Variants in COMMD10 observed in about 807,000 individuals in gnomAD.
COMMD10 encodes the protein COMM domain containing 10, also known as COMM domain-containing protein 10.
COMMD10 carries 33 observed loss-of-function variants against 28.9 expected under a neutral mutation model. That is an observed-to-expected ratio of 1.14 (90% CI 0.87 to 1.53). The LOEUF (loss-of-function observed/expected upper bound fraction) is 1.53. COMMD10 is among the 40% of genes most tolerant of loss of function. The probability of loss-of-function intolerance (pLI) is 0.00; values close to 1 mark genes in which losing one functional copy is unlikely to be tolerated. For synonymous variants in COMMD10, 110 were observed against 81.7 expected (o/e 1.35, Z -1.87); for missense variants, 310 against 233.4 (o/e 1.33, Z -2.14).
At chr5:116,133,898 A>G (rs942565604) in intron 4 of COMMD10, among the ~76,000 whole-genome samples, 170 bp from the exon 5 acceptor site, 2 of 152,176 alleles carry the variant, frequency 1.3e-5, no homozygotes, top group Admixed American at 6.5e-5. Flanking sequence ...CCAATCTAAT[A>G]AGCCCAAAGG....
At chr5:116,125,179 C>T (rs1234039932) in intron 4 of COMMD10, among the ~76,000 whole-genome samples, 2 of 152,134 alleles carry the variant, frequency 1.3e-5, no homozygotes, top group African/African-American at 2.4e-5. Flanking sequence ...CATGTTTTTG[C>T]AGTGGCTGGT....
In COMMD10 at chr5:116,148,867, A is replaced by C. The variant is rs554650344; in HGVS notation, c.510+14689A>C. Among the ~76,000 whole-genome samples, 6 of 151,858 alleles carry C rather than the reference A, an allele frequency of 4.0e-5. No homozygotes were observed. In the East Asian group the frequency reaches 1.2e-3, roughly 29 times the overall value. On this transcript the variant is annotated intron_variant, in intron 5 of 6. Transcript: ENST00000274458. ...TTGTATTTTATTATTATTATACTTT[A>C]AGTTTTAAGTTTTAGGGTACATGTG...
chr5:116,156,729 A>G (rs767529433), intron 5 of COMMD10, among the ~76,000 whole-genome samples: 2 of 152,046 alleles, frequency 1.3e-5, no homozygotes, highest in Non-Finnish European at 2.9e-5. Context: ...GTTCTTTATA[A>G]TTCTTTTAGA....
intron 5 of COMMD10, among the ~76,000 whole-genome samples, chr5:116,255,074 A>G (rs1750242515): frequency 6.6e-6 from 1 of 151,178 alleles, no homozygotes; most frequent in Non-Finnish European, 1.5e-5. Context: ...GTCTCTTTTG[A>G]TCTTTGTTGG....
At position 116,283,947 on chromosome 5, in the gene COMMD10, T is replaced by C. The variant is rs144916928; in HGVS notation, c.511-7570T>C. Among the ~76,000 whole-genome samples, 1,197 of 151,792 alleles carry C rather than the reference T, an allele frequency of 7.9e-3. 24 individuals are homozygous for C. Among genetic ancestry groups the C allele is most frequent in the African/African-American group, 0.019 (798 of 41,174 alleles). ...GGGTTTGAAACCAGCTTGGGCAATA[T>C]AGTGAGACCCTGTCTCTACAAACAA... On this transcript the variant is annotated intron_variant, in intron 5 of 6. Transcript: ENST00000274458.
At chr5:116,151,468 G>A (rs1355645999) in intron 5 of COMMD10, among the ~76,000 whole-genome samples, 1 of 152,082 alleles carries the variant, frequency 6.6e-6, no homozygotes, top group African/African-American at 2.4e-5. Flanking sequence ...GGTAGAATTC[G>A]GCTGTGAATC....
chr5:116,249,573 A>T (rs1288176914), intron 5 of COMMD10, among the ~76,000 whole-genome samples: 1 of 151,940 alleles, frequency 6.6e-6, no homozygotes, highest in Non-Finnish European at 1.5e-5. Flanking sequence ...AGTCAAGGTA[A>T]ATTCCCTCAT....
At chr5:116,232,284 TA>T (rs1231520819) in intron 5 of COMMD10, among the ~76,000 whole-genome samples, 1 of 151,582 alleles carries the variant, frequency 6.6e-6, no homozygotes, top group Non-Finnish European at 1.5e-5. Flanking sequence ...TTTGAGATGT[TA>T]AAAGTGGGGG....
chr5:116,205,162 T>C (rs1186030740), intron 5 of COMMD10, among the ~76,000 whole-genome samples: 1 of 152,172 alleles, frequency 6.6e-6, no homozygotes, highest in Non-Finnish European at 1.5e-5. Context: ...AATATAAATT[T>C]TAAATTCTAA....
At chr5:116,111,593 A>G (rs1751047807) in intron 4 of COMMD10, among the ~76,000 whole-genome samples, 1 of 151,942 alleles carries the variant, frequency 6.6e-6, no homozygotes, top group Non-Finnish European at 1.5e-5. Flanking sequence ...TTTTCTTGAT[A>G]TTGATTTCTT....
intron 2 of COMMD10, among the ~76,000 whole-genome samples, chr5:116,090,370 G>C (rs987682104): frequency 1.3e-5 from 2 of 152,180 alleles, no homozygotes; most frequent in African/African-American, 4.8e-5. Context: ...GTCTCATCCA[G>C]CGTGCCAGCG....
chr5:116,090,051 T>G (rs1402593013), intron 2 of COMMD10, among the ~76,000 whole-genome samples: 1 of 152,192 alleles, frequency 6.6e-6, no homozygotes, highest in Non-Finnish European at 1.5e-5. Context: ...CCTCTACTGG[T>G]ACTTTTATTT....
intron 5 of COMMD10, among the ~76,000 whole-genome samples, chr5:116,289,788 T>A (rs889806672): frequency 1.3e-5 from 2 of 151,762 alleles, no homozygotes; most frequent in Non-Finnish European, 2.9e-5. Context: ...CCTTCTTGGT[T>A]TTATAATGGT....
intron 5 of COMMD10, among the ~76,000 whole-genome samples, chr5:116,171,898 C>A (rs1337810806): frequency 6.6e-6 from 1 of 152,066 alleles, no homozygotes; most frequent in East Asian, 1.9e-4. Context: ...GATGGTGCAA[C>A]AAACCACCAT....
intron 5 of COMMD10, among the ~76,000 whole-genome samples, chr5:116,259,498 G>A (rs531810900): frequency 1.3e-5 from 2 of 150,992 alleles, no homozygotes; most frequent in South Asian, 2.1e-4. Context: ...GTTAAGTTTG[G>A]TGACTTTCTT....
At chr5:116,101,914 T>C (rs1750677535) in intron 4 of COMMD10, among the ~76,000 whole-genome samples, 1 of 152,138 alleles carries the variant, frequency 6.6e-6, no homozygotes, top group South Asian at 2.1e-4. Context: ...ATTATTTTTG[T>C]TGTTGTTGTT....
At chr5:116,291,423 A>G (rs1751356624) in intron 5 of COMMD10, 94 bp from the exon 6 acceptor site, 1 of 851,656 alleles carries the variant, frequency 1.2e-6, no homozygotes, top group Non-Finnish European at 1.9e-6. Context: ...CTCAGAGGAC[A>G]ATCTTATGTC....
chr5:116,149,097 T>G (rs1580490558), intron 5 of COMMD10, among the ~76,000 whole-genome samples: 1 of 147,148 alleles, frequency 6.8e-6, no homozygotes, highest in South Asian at 2.1e-4. Flanking sequence ...ATAGTGAGAA[T>G]ATGCGGTGTT....
chr5:116,272,745 G>GT (rs1246738961), intron 5 of COMMD10, among the ~76,000 whole-genome samples: 3 of 151,850 alleles, frequency 2.0e-5, no homozygotes, highest in Non-Finnish European at 4.4e-5. Flanking sequence ...TCTGGGTGTT[G>GT]TAAGAGTTTT....
Sources: gnomAD v4.1 joint callset for allele counts (sites outside exome capture counted in the v4.1 genomes callset) on GRCh38, gnomAD v4.1.1 for gene constraint, MANE v1.5 for transcripts, NCBI Gene and HGNC (gene_info 2026-07-23, HGNC 2026-07-21) for gene names.